The following TLN2 variants were observed in gnomAD, a reference collection of about 807,000 sequenced individuals.
TLN2 encodes the protein talin 2.
TLN2 carries 118 observed loss-of-function variants against 294.7 expected under a neutral mutation model. The observed-to-expected ratio is 0.40, with a 90% confidence interval of 0.34 to 0.47. The LOEUF (loss-of-function observed/expected upper bound fraction) is 0.47, where lower values mean the gene tolerates loss of function less well. TLN2 is among the 20% of genes least tolerant of loss of function. The pLI is 0.84. For synonymous variants in TLN2, 1,431 were observed against 1,304.5 expected (o/e 1.10, Z -2.09); for missense variants, 3,083 against 3,282.2 (o/e 0.94, Z 1.48).
chr15:62,649,577 C>T (rs1223866978), intron 4 of TLN2, among the ~76,000 whole-genome samples: 4 of 152,086 alleles, frequency 2.6e-5, no homozygotes, highest in Non-Finnish European at 4.4e-5. Flanking sequence ...TCAGAGGCCT[C>T]ATCTCACAAG....
intron 52 of TLN2, among the ~76,000 whole-genome samples, chr15:62,815,393 G>A (rs757388241): frequency 3.9e-5 from 6 of 152,112 alleles, no homozygotes; most frequent in Non-Finnish European, 7.4e-5. Context: ...AATTGATCCC[G>A]TTTTTAACAA....
intron 25 of TLN2, among the ~76,000 whole-genome samples, chr15:62,721,402 G>T (rs903519786): frequency 6.6e-6 from 1 of 151,912 alleles, no homozygotes; most frequent in East Asian, 1.9e-4. Flanking sequence ...GCATTTCTCC[G>T]ATATTCACAA....
chr15:62,431,180 A>G (rs992442240), intron 1 of TLN2, among the ~76,000 whole-genome samples: 2 of 152,140 alleles, frequency 1.3e-5, no homozygotes, highest in African/African-American at 4.8e-5. Flanking sequence ...TGCCTACCAT[A>G]GTGTCCCCAG....
chr15:62,567,023 A>G (rs571739329), intron 1 of TLN2, among the ~76,000 whole-genome samples: 23 of 152,354 alleles, frequency 1.5e-4, no homozygotes, highest in African/African-American at 4.3e-4. Context: ...GCCCCATGGC[A>G]TTAATTTATT....
chr15:62,435,573 C>G (rs2035245365), intron 1 of TLN2, among the ~76,000 whole-genome samples: 1 of 151,882 alleles, frequency 6.6e-6, no homozygotes, highest in East Asian at 1.9e-4. Context: ...TGGAGTTTTG[C>G]TCTTGTCACC....
At chr15:62,454,266 G>T (rs1338324490) in intron 1 of TLN2, among the ~76,000 whole-genome samples, 1 of 152,162 alleles carries the variant, frequency 6.6e-6, no homozygotes, top group African/African-American at 2.4e-5. Flanking sequence ...GCAAATGTTT[G>T]TGTGGGCAGG....
At chr15:62,622,409 G>A (rs963946152) in intron 3 of TLN2, among the ~76,000 whole-genome samples, 2 of 152,226 alleles carry the variant, frequency 1.3e-5, no homozygotes, top group South Asian at 2.1e-4. Flanking sequence ...CCAGACAAGT[G>A]GGGGAATACC....
At chr15:62,464,629 GTTC>G (rs202172550) in intron 1 of TLN2, among the ~76,000 whole-genome samples, 2,340 of 151,956 alleles carry the variant, frequency 0.015, 20 homozygotes, top group Non-Finnish European at 0.022. Context: ...AGCCAGAAGT[GTTC>G]TTCAGTCTAC....
chr15:62,615,972 G>T (rs182772273), intron 2 of TLN2, among the ~76,000 whole-genome samples: 143 of 152,124 alleles, frequency 9.4e-4, no homozygotes, highest in African/African-American at 3.3e-3. Flanking sequence ...TTTCCTCGCC[G>T]TTTGTATTTG....
intron 48 of TLN2, 60 bp downstream of exon 48, chr15:62,797,462 G>T: frequency 6.6e-7 from 1 of 1,505,078 alleles, no homozygotes; most frequent in Non-Finnish European, 8.8e-7. Flanking sequence ...TGCACATCGG[G>T]CCTCAGAAGA....
chr15:62,654,290 C>G (rs1464434281), intron 7 of TLN2, among the ~76,000 whole-genome samples: 2 of 152,064 alleles, frequency 1.3e-5, no homozygotes, highest in Admixed American at 6.6e-5. Context: ...TTCTTTAGAT[C>G]TGGAGGCTTG....
intron 37 of TLN2, among the ~76,000 whole-genome samples, chr15:62,759,721 T>A (rs539759286): frequency 7.2e-5 from 11 of 152,288 alleles, no homozygotes; most frequent in Admixed American, 7.2e-4. Context: ...AGTCGTGTGA[T>A]CCCAGCTGAA....
chr15:62,464,844 G>T (rs1049037457), intron 1 of TLN2, among the ~76,000 whole-genome samples: 8 of 152,072 alleles, frequency 5.3e-5, no homozygotes, highest in Non-Finnish European at 1.2e-4. Flanking sequence ...CTGCATTTTT[G>T]CCATTCCTTC....
chr15:62,600,852 G>C (rs961650045), intron 2 of TLN2, among the ~76,000 whole-genome samples: 3 of 152,016 alleles, frequency 2.0e-5, no homozygotes, highest in Admixed American at 6.6e-5. Context: ...CAAATAGATA[G>C]AACTTAAAAA....
chr15:62,631,650 C>CTTTTCT (rs148281686), intron 3 of TLN2, among the ~76,000 whole-genome samples: 2 of 139,990 alleles, frequency 1.4e-5, no homozygotes, highest in Middle Eastern at 3.5e-3. Context: ...TCTTTCTTTC[C>CTTTTCT]TTCTTTTTCT....
chr15:62,822,115 CG>C (rs1555520757), intron 54 of TLN2, among the ~76,000 whole-genome samples: 3 of 152,160 alleles, frequency 2.0e-5, no homozygotes, highest in East Asian at 1.9e-4. Context: ...TTTGTCCTTC[CG>C]CAGGGTCCTT....
chr15:62,597,906 C>G (rs189277393), intron 2 of TLN2, among the ~76,000 whole-genome samples: 2,808 of 152,230 alleles, frequency 0.018, 43 homozygotes, highest in Middle Eastern at 0.031. Context: ...CACATGAGTT[C>G]AGGTGTGGAA....
chr15:62,508,854 T>A (rs181302692), intron 1 of TLN2, among the ~76,000 whole-genome samples: 1 of 152,326 alleles, frequency 6.6e-6, no homozygotes, highest in East Asian at 1.9e-4. Context: ...GTTTAATCTC[T>A]TCCTTTTGTG....
chr15:62,655,763 G>C (rs987054408), intron 7 of TLN2, among the ~76,000 whole-genome samples, 181 bp from the exon 8 acceptor site: 1 of 152,136 alleles, frequency 6.6e-6, no homozygotes, highest in African/African-American at 2.4e-5. Context: ...TGGTCCTTTG[G>C]TAGATGTGAA....
Sources: allele counts gnomAD v4.1 joint callset (sites outside exome capture counted in the v4.1 genomes callset), GRCh38; gene constraint gnomAD v4.1.1; transcripts MANE v1.5; gene names NCBI Gene and HGNC (gene_info 2026-07-23, HGNC 2026-07-21).